Variants in PLG observed in about 807,000 individuals in gnomAD.
The protein encoded by PLG is plasmin.
In PLG, 41 loss-of-function variants were observed where a neutral mutation model predicts 104.4. The observed-to-expected ratio is 0.39, with a 90% CI of 0.31 to 0.51. The LOEUF is 0.51. PLG is among the 20% of genes least tolerant of loss of function. The probability of loss-of-function intolerance (pLI) is 0.76; values close to 1 mark genes in which losing one functional copy is unlikely to be tolerated. For synonymous variants in PLG, 337 were observed against 357.1 expected, an observed-to-expected ratio of 0.94 and a Z score of 0.63; for missense variants, 891 against 1,003.6, an observed-to-expected ratio of 0.89 and a Z score of 1.52.
intron 17 of PLG, among the ~76,000 whole-genome samples, chr6:160,748,445 G>GAAAGAAAGAA (rs1246120481): frequency 1.3e-4 from 4 of 29,792 alleles, no homozygotes; most frequent in Non-Finnish European, 1.1e-4. Context: ...AGAAAGAAGG[G>GAAAGAAAGAA]AGGGAGGGAG....
chr6:160,716,353 C>G (rs1777729819), intron 6 of PLG, among the ~76,000 whole-genome samples: 2 of 152,104 alleles, frequency 1.3e-5, no homozygotes, highest in African/African-American at 4.8e-5. Context: ...GTCCTAGTTA[C>G]CTAAAGGGCT....
In PLG at chr6:160,715,794, A is replaced by G. The variant is rs575012507; in HGVS notation, c.669-851A>G. Among the ~76,000 whole-genome samples the G allele has an allele frequency of 1.2e-3, 185 of 152,398 alleles. 1 individual carries two copies. The highest frequency in any genetic ancestry group is 2.1e-3 in the South Asian group (10 of 4,832). ...TTCCTTCAAAGGAGAAATACAGGAA[A>G]GACCTAAGGGTCCAAAACTGGGTAA... is the stretch of plus-strand genomic sequence containing the variant. On this transcript the variant is annotated intron_variant, in intron 6 of 18. Transcript: ENST00000308192.
intron 17 of PLG, among the ~76,000 whole-genome samples, chr6:160,751,729 G>T (rs1013818447): frequency 6.6e-6 from 1 of 152,116 alleles, no homozygotes; most frequent in Non-Finnish European, 1.5e-5. Context: ...AAAAAATCAA[G>T]ATGTGAAATT....
At chr6:160,716,902 T>C (rs1447157249) in intron 7 of PLG, 139 bp downstream of exon 7, 1 of 724,750 alleles carries the variant, frequency 1.4e-6, no homozygotes, top group East Asian at 2.6e-5. Context: ...GTCTTTATTT[T>C]ATTGCTGGTT....
At chr6:160,716,131 C>G (rs575549024) in intron 6 of PLG, among the ~76,000 whole-genome samples, 1 of 152,336 alleles carries the variant, frequency 6.6e-6, no homozygotes, top group Admixed American at 6.5e-5. Flanking sequence ...CATTTCTTGG[C>G]TCTGTTAGGT....
Position 160,744,748 on chromosome 6 carries a change from G to A in PLG, c.2125+3331G>A, listed in dbSNP as rs552091902. On this transcript the variant is annotated intron_variant, in intron 17 of 18. Transcript: ENST00000308192. This position sits in a 1 kb window ranked among gnomAD's most constrained non-coding sequence, Gnocchi z 4.5. ...TTTCTCTAATTTTTTCCATTGTGATGTTAGGTTCTTAATTTGAGATCTTTC... is the reference window on the plus strand; with the variant it reads ...TTTCTCTAATTTTTTCCATTGTGATATTAGGTTCTTAATTTGAGATCTTTC... Among the ~76,000 whole-genome samples the A allele has an allele frequency of 6.6e-6, 1 of 152,240 alleles. No homozygotes were observed. Among genetic ancestry groups the A allele is most frequent in the South Asian group, 2.1e-4 (1 of 4,824 alleles).
chr6:160,703,014 T>A (rs115923209), intron 1 of PLG, among the ~76,000 whole-genome samples: 2,337 of 152,188 alleles, frequency 0.015, 57 homozygotes, highest in African/African-American at 0.053. Context: ...TGAGTGTGTA[T>A]CCTTTACAAA....
At position 160,723,585 on chromosome 6, in the gene PLG, G is replaced by C. The variant is rs186562270; in HGVS notation, c.1256+1018G>C. Among the ~76,000 whole-genome samples, 1 of 152,166 alleles carries C rather than the reference G, an allele frequency of 6.6e-6. No individual in the cohort carries two copies. The highest frequency in any genetic ancestry group is 1.9e-4 in the East Asian group (1 of 5,190). On this transcript the variant is annotated intron_variant, in intron 10 of 18. Coordinates refer to ENST00000308192, the MANE Select transcript of PLG (RefSeq NM_000301.5). This position sits in a 1 kb window ranked among gnomAD's most constrained non-coding sequence, Gnocchi z 4.7. ...TTACTAAAACAGCTGAGATTTTCTAGGCTAGGTAATAACATGAAAGGAAAC... is the reference window on the plus strand; with the variant it reads ...TTACTAAAACAGCTGAGATTTTCTACGCTAGGTAATAACATGAAAGGAAAC...
At chr6:160,714,507 G>T (rs1364154117) in intron 5 of PLG, among the ~76,000 whole-genome samples, 1 of 152,180 alleles carries the variant, frequency 6.6e-6, no homozygotes, top group Non-Finnish European at 1.5e-5. Context: ...CCGGTCTAAG[G>T]ACATGGCATC....
chr6:160,711,266 A>T, intron 4 of PLG, 75 bp downstream of exon 4: 1 of 1,387,230 alleles, frequency 7.2e-7, no homozygotes, highest in Non-Finnish European at 1.0e-6. Context: ...GATTGGTTCC[A>T]GGACCCCTGT....
chr6:160,724,503 AG>A lies in PLG; in HGVS notation c.1256+1937del, dbSNP rs1425666385. On this transcript the variant is annotated intron_variant, in intron 10 of 18. Coordinates refer to ENST00000308192, the MANE Select transcript of PLG (RefSeq NM_000301.5). This position sits in a 1 kb window ranked among gnomAD's most constrained non-coding sequence, Gnocchi z 5.0. ...ATCAAAAGATTTCATATATGTGTAA[AG>A]CAAGTCACAAGAGAGGAAAGAGATA... Among the ~76,000 whole-genome samples the A allele has an allele frequency of 6.6e-6, 1 of 152,154 alleles. No individual in the cohort carries two copies. The highest frequency in any genetic ancestry group is 1.5e-5 in the Non-Finnish European group (1 of 68,020).
At position 160,723,230 on chromosome 6, in the gene PLG, C is replaced by T. The variant is rs1001829525; in HGVS notation, c.1256+663C>T. On this transcript the variant is annotated intron_variant, in intron 10 of 18. Coordinates refer to ENST00000308192, the MANE Select transcript of PLG (RefSeq NM_000301.5). This position sits in a 1 kb window ranked among gnomAD's most constrained non-coding sequence, Gnocchi z 4.7. ...CACAGTGGATCCTGAGCACCAGTGG[C>T]CTGAAAGGATATGGGTTGCTGGGAC... 6.7e-6 allele frequency among the ~76,000 whole-genome samples: 1 copy of T among 148,380 alleles called. No individual in the cohort carries two copies. Among genetic ancestry groups the T allele is most frequent in the African/African-American group, 2.6e-5 (1 of 38,392 alleles).
chr6:160,733,864 AAAAAG>A, intron 12 of PLG, 126 bp from the exon 13 acceptor site: 11 of 507,756 alleles, frequency 2.2e-5, no homozygotes, highest in South Asian at 5.4e-5. Context: ...AAAAAAAAAA[AAAAAG>A]AAGGAAGGAA....
At position 160,732,064 on chromosome 6, in the gene PLG, G is replaced by A. The variant is rs1423978121; in HGVS notation, c.1587+171G>A. 3.3e-5 allele frequency among the ~76,000 whole-genome samples: 5 copies of A among 152,116 alleles called. No individual in the cohort carries two copies. The highest frequency in any genetic ancestry group is 9.7e-5 in the African/African-American group (4 of 41,388). Reference sequence around the variant, plus strand: ...AGGGGGCTAAGCTAGAATATAATTGGCCTTAGTATGGAAAGTACAAGCAGC... The same window carrying A: ...AGGGGGCTAAGCTAGAATATAATTGACCTTAGTATGGAAAGTACAAGCAGC... On this transcript the variant is annotated intron_variant, in intron 12 of 18. Transcript: ENST00000308192. This position sits in a 1 kb window ranked among gnomAD's most constrained non-coding sequence, Gnocchi z 4.5.
chr6:160,722,659 GGA>G, intron 10 of PLG, 92 bp downstream of exon 10: 4 of 1,170,262 alleles, frequency 3.4e-6, no homozygotes, highest in Middle Eastern at 2.8e-4. Context: ...CAACTTCCTA[GGA>G]CCAAATTTCT....
rs1353698801 is a variant in PLG, at chr6:160,736,538, T to C, written c.1682-349T>C. Among the ~76,000 whole-genome samples, 4 of 152,216 alleles carry C rather than the reference T, an allele frequency of 2.6e-5. No homozygotes were observed. The highest frequency in any genetic ancestry group is 9.6e-5 in the African/African-American group (4 of 41,460). On this transcript the variant is annotated intron_variant, in intron 13 of 18. Coordinates refer to ENST00000308192, the MANE Select transcript of PLG (RefSeq NM_000301.5). This position sits in a 1 kb window ranked among gnomAD's most constrained non-coding sequence, Gnocchi z 5.2. Reference sequence around the variant, plus strand: ...GATGATTATGGGAAGGATGGCATCATGTTCTAAACATACTGCATGGAGTCA... The same window carrying C: ...GATGATTATGGGAAGGATGGCATCACGTTCTAAACATACTGCATGGAGTCA...
intron 10 of PLG, 109 bp from the exon 11 acceptor site, chr6:160,730,940 AAT>A (rs1370574555): frequency 1.3e-5 from 13 of 1,036,670 alleles, no homozygotes; most frequent in Non-Finnish European, 1.8e-5. Flanking sequence ...CTATAATGGG[AAT>A]ATTTCAAAGC....
chr6:160,715,177 A>T (rs1047785781), intron 6 of PLG, among the ~76,000 whole-genome samples: 2 of 152,250 alleles, frequency 1.3e-5, no homozygotes. Flanking sequence ...TCTGATTTGA[A>T]TAATAACCAG....
chr6:160,707,788 G>T lies in PLG; in HGVS notation c.274G>T (p.Val92Phe). 6.2e-7 allele frequency: 1 copy of T among 1,611,326 alleles called. No individual in the cohort carries two copies. Among genetic ancestry groups the T allele is most frequent in the Non-Finnish European group, 8.5e-7 (1 of 1,179,292 alleles). ...CATAATCATTAGGATGAGAGATGTA[G>T]TTTTATTTGAAAAGAAAGGTGAGTA... The part of the protein sequence containing the change: ...SSIIIRMRDV[V>F]LFEKKVYLSE... Residue 92 changes from valine to phenylalanine, a missense_variant, in exon 3 of 19, where the codon GTT becomes TTT. Val to Phe is a conservative substitution (Grantham distance 50). This residue lies in a region of PLG where 854 missense variants were observed against 932.1 expected (regional missense o/e 0.92). Coordinates refer to ENST00000308192, the MANE Select transcript of PLG (RefSeq NM_000301.5).
Sources: allele counts gnomAD v4.1 joint callset (sites outside exome capture counted in the v4.1 genomes callset), GRCh38; gene constraint gnomAD v4.1.1; regional missense constraint gnomAD v4.1.1; non-coding constraint Gnocchi (gnomAD v3.1); transcripts MANE v1.5; gene names NCBI Gene and HGNC (gene_info 2026-07-23, HGNC 2026-07-21).